DCC: variants seen among roughly 807,000 people sequenced by gnomAD.
The protein encoded by DCC is DCC netrin 1 receptor.
In DCC, 58 loss-of-function variants were observed where a neutral mutation model predicts 172.5. The ratio of observed to expected loss-of-function variants is 0.34; its 90% confidence interval spans 0.27 to 0.42. The LOEUF (loss-of-function observed/expected upper bound fraction) is 0.42. Ranked by LOEUF, DCC falls within the 10% of genes least tolerant of loss-of-function variation. The pLI is 1.00. For synonymous variants in DCC, 709 were observed against 644.5 expected (o/e 1.10, Z -1.52); for missense variants, 1,740 against 1,791.0 (o/e 0.97, Z 0.51).
chr18:53,152,978 G>A (rs1199877521), intron 7 of DCC, among the ~76,000 whole-genome samples: 1 of 152,202 alleles, frequency 6.6e-6, no homozygotes, highest in African/African-American at 2.4e-5. Flanking sequence ...ACTCCCTGAA[G>A]CCTAAGGAGA....
chr18:53,257,148 T>A (rs2056528471), intron 12 of DCC, among the ~76,000 whole-genome samples: 1 of 152,210 alleles, frequency 6.6e-6, no homozygotes, highest in Non-Finnish European at 1.5e-5. Flanking sequence ...TACAATCATG[T>A]CATCTGCAAA....
At chr18:53,510,025 CTCT>C (rs1274747909) in intron 27 of DCC, among the ~76,000 whole-genome samples, 1 of 152,144 alleles carries the variant, frequency 6.6e-6, no homozygotes, top group Admixed American at 6.5e-5. Context: ...CTGCAACAAT[CTCT>C]TATTTTTATT....
chr18:53,106,589 C>G (rs2043251594), intron 7 of DCC, among the ~76,000 whole-genome samples: 1 of 151,896 alleles, frequency 6.6e-6, no homozygotes, highest in South Asian at 2.1e-4. Context: ...GATCTAACAA[C>G]AGATTTTAAG....
At chr18:53,174,403 G>A (rs181948130) in intron 8 of DCC, among the ~76,000 whole-genome samples, 1 of 151,286 alleles carries the variant, frequency 6.6e-6, no homozygotes, top group African/African-American at 2.4e-5. Flanking sequence ...TTTTTGAAAG[G>A]ATCAACCAAA....
intron 18 of DCC, among the ~76,000 whole-genome samples, chr18:53,397,936 C>A (rs1223359565): frequency 6.6e-6 from 1 of 151,832 alleles, no homozygotes; most frequent in African/African-American, 2.4e-5. Context: ...TTTGTTCACT[C>A]CTGGGAAATG....
chr18:52,876,024 C>G (rs188169875), intron 2 of DCC, among the ~76,000 whole-genome samples: 1 of 151,376 alleles, frequency 6.6e-6, no homozygotes, highest in Admixed American at 6.6e-5. Context: ...TCCTTCCTTA[C>G]GTTTGCCTTC....
In DCC at chr18:53,339,694, G is replaced by A; in HGVS notation, c.2165-19G>A. 1.2e-6 allele frequency: 2 copies of A among 1,604,848 alleles called. No homozygotes were observed. The highest frequency in any genetic ancestry group is 1.7e-6 in the Non-Finnish European group (2 of 1,171,680). On this transcript the variant is annotated intron_variant, in intron 14 of 28. Transcript: ENST00000442544. ...TTCTGTTATGAGACATGCTGATGAT[G>A]CCTCTTTTTGAATGCTAGAATCTCA... is the stretch of plus-strand genomic sequence containing the variant.
At chr18:52,769,490 C>G (rs1478390699) in intron 2 of DCC, among the ~76,000 whole-genome samples, 1 of 152,130 alleles carries the variant, frequency 6.6e-6, no homozygotes. Flanking sequence ...TCAGATACGT[C>G]TTCTGTAAAT....
chr18:52,828,301 G>C (rs922539643), intron 2 of DCC, among the ~76,000 whole-genome samples: 9 of 152,064 alleles, frequency 5.9e-5, no homozygotes, highest in Non-Finnish European at 1.2e-4. Context: ...TAAAGATTTG[G>C]CTTATGGTTC....
intron 9 of DCC, among the ~76,000 whole-genome samples, chr18:53,183,334 G>A (rs1021939842): frequency 6.6e-6 from 1 of 152,018 alleles, no homozygotes; most frequent in South Asian, 2.1e-4. Context: ...GTCCTCTGAT[G>A]GTATCTTCCT....
intron 2 of DCC, among the ~76,000 whole-genome samples, chr18:52,780,333 A>C (rs1219565286): frequency 6.6e-6 from 1 of 152,092 alleles, no homozygotes; most frequent in Non-Finnish European, 1.5e-5. Context: ...AATAAAATTT[A>C]TGATTGTCTT....
chr18:53,517,342 A>C (rs1200429745), intron 27 of DCC, among the ~76,000 whole-genome samples: 1 of 151,994 alleles, frequency 6.6e-6, no homozygotes, highest in Non-Finnish European at 1.5e-5. Flanking sequence ...AGATATACCT[A>C]ATGCTAGATG....
chr18:52,438,814 T>G (rs1987878464), intron 1 of DCC, among the ~76,000 whole-genome samples: 1 of 152,168 alleles, frequency 6.6e-6, no homozygotes, highest in African/African-American at 2.4e-5. Context: ...TAAAATTCCT[T>G]GAGTTGTGTT....
intron 1 of DCC, among the ~76,000 whole-genome samples, chr18:52,376,359 A>T (rs1356789394): frequency 1.3e-5 from 2 of 152,192 alleles, no homozygotes; most frequent in Non-Finnish European, 2.9e-5. Flanking sequence ...TAAGTAGGCA[A>T]ATTCTTCAGA....
chr18:52,902,874 A>G (rs559823672), intron 2 of DCC, among the ~76,000 whole-genome samples: 5 of 152,332 alleles, frequency 3.3e-5, no homozygotes, highest in African/African-American at 1.2e-4. Flanking sequence ...TCTCACTATG[A>G]CAAATAATCA....
chr18:52,904,579 G>A (rs2039854378), intron 2 of DCC, among the ~76,000 whole-genome samples: 1 of 152,012 alleles, frequency 6.6e-6, no homozygotes, highest in Admixed American at 6.6e-5. Context: ...TAAAACTAAG[G>A]GTAATTAAAA....
chr18:52,803,205 A>C (rs890722959), intron 2 of DCC, among the ~76,000 whole-genome samples: 4 of 152,202 alleles, frequency 2.6e-5, no homozygotes, highest in Non-Finnish European at 5.9e-5. Context: ...AAGGTTTACA[A>C]TATTGCACTA....
At chr18:53,057,356 C>T (rs948553906) in intron 5 of DCC, among the ~76,000 whole-genome samples, 33 of 152,170 alleles carry the variant, frequency 2.2e-4, no homozygotes, top group African/African-American at 7.5e-4. Context: ...CAATTGCAGT[C>T]TGGAAGTCTC....
intron 15 of DCC, among the ~76,000 whole-genome samples, chr18:53,367,624 C>T (rs918272253): frequency 6.6e-6 from 1 of 152,054 alleles, no homozygotes; most frequent in African/African-American, 2.4e-5. Context: ...ATCTCTAGAA[C>T]TCTTTTAATC....
Sources: allele counts gnomAD v4.1 joint callset (sites outside exome capture counted in the v4.1 genomes callset), GRCh38; gene constraint gnomAD v4.1.1; transcripts MANE v1.5; gene names NCBI Gene and HGNC (gene_info 2026-07-23, HGNC 2026-07-21).